Variants in OPA1 observed in about 807,000 individuals in gnomAD.
OPA1 encodes OPA1 mitochondrial dynamin like GTPase, also known as dynamin-like GTPase OPA1, mitochondrial.
Under a neutral mutation model 152.9 loss-of-function variants are expected in OPA1, and 59 were observed. That is an observed-to-expected ratio of 0.39 (90% CI 0.31 to 0.48). OPA1 has a LOEUF of 0.48. Among genes scored for constraint, OPA1 ranks in the 20% least tolerant of loss-of-function variants. The pLI, the probability that OPA1 is intolerant of heterozygous loss-of-function variation, is 0.96. For missense variants in OPA1, 1,008 were observed against 1,216.8 expected (o/e 0.83, Z 2.55); for synonymous variants, 400 against 389.9 (o/e 1.03, Z -0.31).
At chr3:193,609,039 T>C (rs1333057648) in intron 1 of OPA1, among the ~76,000 whole-genome samples, 1 of 152,210 alleles carries the variant, frequency 6.6e-6, no homozygotes, top group Non-Finnish European at 1.5e-5. Flanking sequence ...TGCCTTTTTT[T>C]GTTTTCCATT....
At chr3:193,635,583 A>T (rs957335885) in intron 9 of OPA1, 61 bp downstream of exon 9, 5 of 947,406 alleles carry the variant, frequency 5.3e-6, no homozygotes, top group Non-Finnish European at 8.7e-6. Flanking sequence ...TGTGTTCATC[A>T]GTACCAGTTT....
At chr3:193,603,389 A>C (rs1726755860) in intron 1 of OPA1, 1 of 152,268 alleles carries the variant, frequency 6.6e-6, no homozygotes, top group African/African-American at 2.4e-5. Context: ...TGATGGTTCC[A>C]GCACTAGCTG....
At chr3:193,601,876 T>C (rs774861353) in intron 1 of OPA1, among the ~76,000 whole-genome samples, 8 of 152,150 alleles carry the variant, frequency 5.3e-5, no homozygotes, top group Admixed American at 1.3e-4. Context: ...GGGTGACTCA[T>C]TGGGAAACGT....
chr3:193,688,279 ATTG>A (rs1721185194), intron 29 of OPA1, among the ~76,000 whole-genome samples: 2 of 151,934 alleles, frequency 1.3e-5, no homozygotes, highest in South Asian at 4.2e-4. Flanking sequence ...GTACTCCTGT[ATTG>A]TTCTCCAGGG....
Position 193,697,616 on chromosome 3 carries a change from G to T in OPA1, c.*3016G>T, listed in dbSNP as rs999929074. 6.6e-6 allele frequency: 1 copy of T among 151,926 alleles called. No homozygotes were observed. The highest frequency in any genetic ancestry group is 6.6e-5 in the Admixed American group (1 of 15,254). The allele number at this position is 151,926 out of a possible 1,614,324, so 9.4% of individuals were successfully genotyped here. ...ACCTGTATACCTAGGGTCATTATTT[G>T]ACCCCATAGTATAACCAGATTCATG... On this transcript the variant is annotated 3_prime_UTR_variant, in exon 31 of 31. Transcript: ENST00000361510.
intron 1 of OPA1, among the ~76,000 whole-genome samples, chr3:193,594,965 A>T (rs1254651950): frequency 6.6e-6 from 1 of 152,244 alleles, no homozygotes; most frequent in Non-Finnish European, 1.5e-5. Flanking sequence ...AGCAATTAAG[A>T]TGTATAAGAA....
At chr3:193,631,045 C>T (rs1254824964) in intron 7 of OPA1, among the ~76,000 whole-genome samples, 1 of 152,156 alleles carries the variant, frequency 6.6e-6, no homozygotes, top group African/African-American at 2.4e-5. Context: ...TAAAAGCAAG[C>T]ATTTGGCTCC....
Position 193,614,803 on chromosome 3 carries a change from G to A in OPA1, c.113G>A (p.Arg38Gln), listed in dbSNP as rs866025924. The stretch of plus-strand genomic sequence containing the variant: ...CTACAAAAACTACATCTGGTTTCAC[G>A]AAGCATTTATCATTCACATCATCCT... ...LPLQKLHLVS[R>Q]SIYHSHHPTL... The change falls in exon 2 of 31, where the codon CGA (arginine) becomes CAA (glutamine). Residue 38 changes from arginine to glutamine, a missense_variant. Coordinates refer to ENST00000361510, the MANE Select transcript of OPA1 (RefSeq NM_130837.3). 8 of 1,606,566 alleles carry A rather than the reference G, an allele frequency of 5.0e-6. No homozygotes were observed. Among genetic ancestry groups the A allele is most frequent in the East Asian group, 2.2e-5 (1 of 44,888 alleles).
chr3:193,681,213 A>G (rs892666338), intron 29 of OPA1, among the ~76,000 whole-genome samples: 3 of 152,208 alleles, frequency 2.0e-5, no homozygotes, highest in Non-Finnish European at 4.4e-5. Flanking sequence ...TTGTCCCTCT[A>G]TGGCCCTGCA....
At chr3:193,636,340 G>C (rs1175905905) in intron 9 of OPA1, among the ~76,000 whole-genome samples, 1 of 76,782 alleles carries the variant, frequency 1.3e-5, no homozygotes, top group Non-Finnish European at 2.9e-5. Context: ...GTTTACCTCA[G>C]AAACAGTATT....
intron 26 of OPA1, 21 bp from the exon 27 acceptor site, chr3:193,664,859 C>T: frequency 7.9e-7 from 1 of 1,271,694 alleles, no homozygotes; most frequent in Non-Finnish European, 1.2e-6. Context: ...TAACTCTGGG[C>T]TTTCTTTTTT....
intron 1 of OPA1, among the ~76,000 whole-genome samples, chr3:193,599,963 A>C (rs904258851): frequency 1.3e-5 from 2 of 152,228 alleles, no homozygotes; most frequent in East Asian, 3.9e-4. Flanking sequence ...ATTTGAACGC[A>C]GTTTGAACAC....
chr3:193,661,904 G>A (rs1414939719), intron 25 of OPA1, among the ~76,000 whole-genome samples: 5 of 151,998 alleles, frequency 3.3e-5, no homozygotes, highest in Non-Finnish European at 7.4e-5. Context: ...TTTTTCTGAA[G>A]TATTAGTTTT....
At chr3:193,620,776 A>G (rs1050998010) in intron 6 of OPA1, among the ~76,000 whole-genome samples, 3 of 152,226 alleles carry the variant, frequency 2.0e-5, no homozygotes, top group African/African-American at 7.2e-5. Context: ...AAATTCTGTT[A>G]TTAATAATAT....
At chr3:193,678,540 G>A (rs550724986) in intron 29 of OPA1, among the ~76,000 whole-genome samples, 9 of 152,190 alleles carry the variant, frequency 5.9e-5, no homozygotes, top group African/African-American at 1.7e-4. Flanking sequence ...CGTTGTCATT[G>A]CCCCTAGTTT....
chr3:193,660,558 A>G (rs1160136013), intron 25 of OPA1, among the ~76,000 whole-genome samples: 3 of 152,060 alleles, frequency 2.0e-5, no homozygotes, highest in Non-Finnish European at 2.9e-5. Context: ...TTCATTTTAA[A>G]TACAGTTAAT....
rs1021849471 is a variant in OPA1 at position 193,696,077 on chromosome 3, G to A, written c.*1477G>A. 5 of 152,158 alleles carry A rather than the reference G, an allele frequency of 3.3e-5. No individual in the cohort carries two copies. Among genetic ancestry groups the A allele is most frequent in the African/African-American group, 1.2e-4 (5 of 41,430 alleles). 9.4% of individuals were successfully genotyped at this position (152,158 alleles called of 1,614,324 possible). ...AGGGACAGGAGTGAATAGAAAGGGA[G>A]GAGAGCTCTATTATGTTCTATACAC... On this transcript the variant is annotated 3_prime_UTR_variant, in exon 31 of 31. Coordinates refer to ENST00000361510, the MANE Select transcript of OPA1 (RefSeq NM_130837.3).
chr3:193,670,381 C>A (rs1717636529), intron 29 of OPA1, among the ~76,000 whole-genome samples: 1 of 151,588 alleles, frequency 6.6e-6, no homozygotes, highest in African/African-American at 2.4e-5. Flanking sequence ...GGAGACTTCC[C>A]CCCCACCTTT....
intron 29 of OPA1, among the ~76,000 whole-genome samples, chr3:193,683,187 A>G (rs1720428999): frequency 6.6e-6 from 1 of 152,152 alleles, no homozygotes; most frequent in Admixed American, 6.5e-5. Context: ...CAATAGAACT[A>G]GAATTAGTTC....
Sources: gnomAD v4.1 joint callset for allele counts (sites outside exome capture counted in the v4.1 genomes callset) on GRCh38, gnomAD v4.1.1 for gene constraint, MANE v1.5 for transcripts, NCBI Gene and HGNC (gene_info 2026-07-23, HGNC 2026-07-21) for gene names.